Variants in POU2F1 observed in about 807,000 individuals in gnomAD.
The protein encoded by POU2F1 is POU domain, class 2, transcription factor 1.
Under a neutral mutation model 84.9 loss-of-function variants are expected in POU2F1, and 16 were observed. That is an observed-to-expected ratio of 0.19 (90% CI 0.13 to 0.29). The LOEUF (loss-of-function observed/expected upper bound fraction) is 0.29, where lower values mean the gene tolerates loss of function less well. POU2F1 is among the 10% of genes least tolerant of loss of function. The pLI, the probability that POU2F1 is intolerant of heterozygous loss-of-function variation, is 1.00. For missense variants in POU2F1, 738 were observed against 942.6 expected (o/e 0.78, Z 2.84); for synonymous variants, 368 against 368.3 (o/e 1.00, Z 0.01).
chr1:167,297,383 C>T (rs1036684325), intron 1 of POU2F1, among the ~76,000 whole-genome samples: 2 of 152,162 alleles, frequency 1.3e-5, no homozygotes, highest in African/African-American at 4.8e-5. Flanking sequence ...TAGGGCAGGG[C>T]TGTGTTTGGA....
intron 1 of POU2F1, among the ~76,000 whole-genome samples, chr1:167,299,866 T>A: frequency 6.6e-6 from 1 of 152,154 alleles, no homozygotes; most frequent in East Asian, 1.9e-4. Context: ...GGCCCCCACC[T>A]CCAGAGGTTC....
In POU2F1 at chr1:167,413,203, T is replaced by G. The variant is rs139654599; in HGVS notation, c.1990+89T>G. The G allele has an allele frequency of 1.6e-4, 196 of 1,190,034 alleles. 1 individual carries two copies. In the African/African-American group the frequency reaches 2.7e-3, roughly 16 times the overall value. The allele number at this position is 1,190,034 out of a possible 1,614,324, so 73.7% of individuals were successfully genotyped here. A position where few individuals can be genotyped will look rare whatever the true frequency, so the allele number is the denominator to read the frequency against. On this transcript the variant is annotated intron_variant, in intron 15 of 15. Transcript: ENST00000367866. ...TGTGTGTGTGTGCTTGAGACAGAGA[T>G]AGAGGAAGTCTGCTTTGCTAGAGGT...
chr1:167,409,500 C>T (rs1397953796), intron 13 of POU2F1, among the ~76,000 whole-genome samples: 1 of 152,140 alleles, frequency 6.6e-6, no homozygotes, highest in Non-Finnish European at 1.5e-5. Flanking sequence ...TCATGAAATA[C>T]ATATATTGAT....
At chr1:167,394,671 A>G (rs1044767554) in intron 9 of POU2F1, among the ~76,000 whole-genome samples, 21 of 152,210 alleles carry the variant, frequency 1.4e-4, no homozygotes, top group African/African-American at 4.8e-4. Context: ...ATTAATTTAA[A>G]TAGCCACTTG....
At position 167,423,620 on chromosome 1, in the gene POU2F1, C is replaced by T. The variant is rs1428939155; in HGVS notation, c.*7810C>T. 1.3e-5 allele frequency: 2 copies of T among 152,160 alleles called. No individual in the cohort carries two copies. Among genetic ancestry groups the T allele is most frequent in the Admixed American group, 1.3e-4 (2 of 15,278 alleles). 9.4% of individuals were successfully genotyped at this position (152,160 alleles called of 1,614,324 possible). ...GTTTCTGTGTCCCTGTATCTGCCCA[C>T]CCTGCACAGGGCTCCACCACCCAGG... On this transcript the variant is annotated 3_prime_UTR_variant, in exon 16 of 16. Coordinates refer to ENST00000367866, the MANE Select transcript of POU2F1 (RefSeq NM_002697.4).
chr1:167,227,079 C>T (rs1648687450), intron 1 of POU2F1, among the ~76,000 whole-genome samples: 2 of 152,114 alleles, frequency 1.3e-5, no homozygotes, highest in Non-Finnish European at 2.9e-5. Flanking sequence ...AGCTACCACA[C>T]CTGGCCCAGA....
intron 4 of POU2F1, 82 bp from the exon 5 acceptor site, chr1:167,371,835 G>T: frequency 2.6e-6 from 4 of 1,560,100 alleles, no homozygotes; most frequent in Middle Eastern, 1.7e-4. Flanking sequence ...TGTTTTAAAT[G>T]ATTCCTAAAA....
At chr1:167,341,468 A>G (rs1657847626) in intron 2 of POU2F1, among the ~76,000 whole-genome samples, 2 of 151,804 alleles carry the variant, frequency 1.3e-5, no homozygotes. Flanking sequence ...GTCCTTTTTC[A>G]CTTGCTTTTT....
chr1:167,328,565 G>A (rs760119436), intron 1 of POU2F1, among the ~76,000 whole-genome samples: 3 of 152,166 alleles, frequency 2.0e-5, no homozygotes, highest in African/African-American at 4.8e-5. Flanking sequence ...AGGTGCTTAA[G>A]TCTGTAGGGT....
chr1:167,362,601 T>C (rs957341213), intron 2 of POU2F1, among the ~76,000 whole-genome samples: 1 of 152,156 alleles, frequency 6.6e-6, no homozygotes, highest in African/African-American at 2.4e-5. Context: ...AGCCTCGAGC[T>C]CCTAGGCTCA....
chr1:167,260,170 A>G (rs73034569), intron 1 of POU2F1, among the ~76,000 whole-genome samples: 14,390 of 152,114 alleles, frequency 0.095, 1,627 homozygotes, highest in African/African-American at 0.28. Context: ...AAGCCACTGC[A>G]CCCGGCTAAT....
chr1:167,383,823 T>C, intron 7 of POU2F1, 34 bp from the exon 8 acceptor site: 1 of 1,550,222 alleles, frequency 6.5e-7, no homozygotes, highest in Non-Finnish European at 8.8e-7. Flanking sequence ...AAGAAATCTT[T>C]AATGTTTCTG....
intron 8 of POU2F1, among the ~76,000 whole-genome samples, chr1:167,388,558 T>C (rs1057500061): frequency 1.3e-5 from 2 of 152,162 alleles, no homozygotes; most frequent in African/African-American, 4.8e-5. Flanking sequence ...TTAAGTAAAT[T>C]ATGAGAATAT....
intron 1 of POU2F1, among the ~76,000 whole-genome samples, chr1:167,314,941 A>T (rs1037271864): frequency 6.6e-6 from 1 of 152,112 alleles, no homozygotes; most frequent in African/African-American, 2.4e-5. Context: ...GGTCTTCTTG[A>T]TAGTGAGTTC....
intron 13 of POU2F1, among the ~76,000 whole-genome samples, chr1:167,406,951 A>C (rs529480075): frequency 6.6e-6 from 1 of 151,934 alleles, no homozygotes; most frequent in Non-Finnish European, 1.5e-5. Context: ...CTTGAGATAT[A>C]TGTGCATCTC....
intron 13 of POU2F1, 48 bp from the exon 14 acceptor site, chr1:167,411,911 C>A: frequency 6.5e-7 from 1 of 1,537,054 alleles, no homozygotes; most frequent in South Asian, 1.2e-5. Context: ...CACCATTCTT[C>A]CAAAACCATT....
At chr1:167,367,692 A>G (rs80168915) in intron 3 of POU2F1, among the ~76,000 whole-genome samples, 2 of 152,170 alleles carry the variant, frequency 1.3e-5, no homozygotes, top group Non-Finnish European at 2.9e-5. Flanking sequence ...TTACTATTTT[A>G]CCATATTTGC....
chr1:167,311,724 A>G lies in POU2F1; in HGVS notation c.62-20746A>G, dbSNP rs537253336. On this transcript the variant is annotated intron_variant, in intron 1 of 15. Coordinates refer to ENST00000367866, the MANE Select transcript of POU2F1 (RefSeq NM_002697.4). ...GAAAGAAAATATTTTTTGTGCAGCT[A>G]TACAATGTCTTTGTATTTTAAGCTA... Among the ~76,000 whole-genome samples, 8 of 152,174 alleles carry G rather than the reference A, an allele frequency of 5.3e-5. No individual in the cohort carries two copies. In the South Asian group the frequency reaches 1.0e-3, roughly 20 times the overall value.
chr1:167,272,966 C>A (rs1652475830), intron 1 of POU2F1, among the ~76,000 whole-genome samples: 1 of 152,132 alleles, frequency 6.6e-6, no homozygotes, highest in Non-Finnish European at 1.5e-5. Flanking sequence ...CCTGTGAAAT[C>A]AAAAACAAGT....
Sources: allele counts gnomAD v4.1 joint callset (sites outside exome capture counted in the v4.1 genomes callset), GRCh38; gene constraint gnomAD v4.1.1; transcripts MANE v1.5; gene names NCBI Gene and HGNC (gene_info 2026-07-23, HGNC 2026-07-21).